C1orf54: variants seen among roughly 807,000 people sequenced by gnomAD.
The protein encoded by C1orf54 is uncharacterized protein C1orf54.
A neutral mutation model predicts 14.7 loss-of-function variants in C1orf54; 12 were observed. The ratio of observed to expected loss-of-function variants is 0.82; its 90% CI spans 0.52 to 1.32. The LOEUF is 1.32. Ranked by LOEUF, C1orf54 falls within the 40% of genes most tolerant of loss-of-function variation. The pLI is 0.00. For synonymous variants in C1orf54, 65 were observed against 56.3 expected, an observed-to-expected ratio of 1.16 and a Z score of -0.70; for missense variants, 163 against 162.2, an observed-to-expected ratio of 1.00 and a Z score of -0.03.
upstream of C1orf54, among the ~76,000 whole-genome samples, chr1:150,269,905 C>T (rs782386146): frequency 2.0e-5 from 3 of 152,066 alleles, no homozygotes; most frequent in Non-Finnish European, 2.9e-5. Flanking sequence ...GATGTGGTGG[C>T]GCACGCCTGT....
upstream of C1orf54, chr1:150,272,557 A>G (rs1652284448): frequency 2.0e-6 from 1 of 500,196 alleles, no homozygotes; most frequent in South Asian, 2.2e-5. Context: ...GAATGGATCT[A>G]ATCTAGGGCA....
upstream of C1orf54, chr1:150,269,177 A>G (rs1368200112): frequency 4.3e-6 from 1 of 230,904 alleles, no homozygotes; most frequent in Non-Finnish European, 9.0e-6. Context: ...GAGCCGGTTA[A>G]TGGGGGTGGG....
chr1:150,279,771 G>A (rs1652952006), intron 5 of C1orf54, 30 bp downstream of exon 5: 1 of 1,548,870 alleles, frequency 6.5e-7, no homozygotes, highest in Non-Finnish European at 8.8e-7. Flanking sequence ...CTTTGGGGGA[G>A]TCTGTGAAAT....
intron 4 of C1orf54, among the ~76,000 whole-genome samples, chr1:150,278,668 TTAATA>T (rs1418637216): frequency 6.6e-6 from 1 of 152,108 alleles, no homozygotes; most frequent in Admixed American, 6.6e-5. Flanking sequence ...AAGAGAAAGT[TTAATA>T]TAATCCATCA....
Position 150,276,590 on chromosome 1 carries a change from C to T in C1orf54, c.258C>T (p.Asp86=). ...TTISLETARA[D]HPKPVTVKPV... ...TTAGTCTTGAAACAGCACGTGCAGA[C>T]CATCCGAAGCCTGTAACTGTGAAAC... Residue 86 remains aspartate, a synonymous_variant, in exon 4 of 6, where the codon GAC becomes GAT. Coordinates refer to ENST00000369099, the MANE Select transcript of C1orf54 (RefSeq NM_024579.4). The T allele has an allele frequency of 6.2e-7, 1 of 1,614,112 alleles. No individual in the cohort carries two copies. The highest frequency in any genetic ancestry group is 8.5e-7 in the Non-Finnish European group (1 of 1,180,026).
In C1orf54 at chr1:150,280,813, CTT is replaced by C. The variant is rs1553853290; in HGVS notation, c.*4-20_*4-19del. ...CGGGTCTCCTGACTCCTTTTATTTT[CTT>C]TCTTTCTCTGCTTTTTTAGGTGGAA... is the stretch of plus-strand genomic sequence containing the variant. On this transcript the variant is annotated intron_variant, in intron 5 of 5. Transcript: ENST00000369099. 3 of 1,547,316 alleles carry C rather than the reference CTT, an allele frequency of 1.9e-6. No homozygotes were observed. Among genetic ancestry groups the C allele is most frequent in the South Asian group, 2.4e-5 (2 of 83,948 alleles).
upstream of C1orf54, chr1:150,268,858 A>G: frequency 6.7e-7 from 1 of 1,503,290 alleles, no homozygotes; most frequent in South Asian, 1.2e-5. Context: ...GGACAGGCAA[A>G]TGGGAGGGGC....
intron 4 of C1orf54, among the ~76,000 whole-genome samples, chr1:150,277,377 C>A (rs1469313325): frequency 1.3e-5 from 2 of 151,704 alleles, no homozygotes; most frequent in African/African-American, 4.8e-5. Flanking sequence ...GTGGTGCGTG[C>A]CTGTAATCCC....
At chr1:150,276,952 T>C (rs1253852319) in intron 4 of C1orf54, among the ~76,000 whole-genome samples, 1 of 152,142 alleles carries the variant, frequency 6.6e-6, no homozygotes, top group Non-Finnish European at 1.5e-5. Context: ...ATTTATAAAA[T>C]TCAAGTTTAC....
chr1:150,269,709 A>C (rs1402257055), upstream of C1orf54: 1 of 152,144 alleles, frequency 6.6e-6, no homozygotes, highest in African/African-American at 2.4e-5. Flanking sequence ...TTTCTGAAAA[A>C]TGAACCTCAG....
At chr1:150,277,791 T>C (rs781851549) in intron 4 of C1orf54, among the ~76,000 whole-genome samples, 107 of 152,234 alleles carry the variant, frequency 7.0e-4, no homozygotes, top group South Asian at 1.0e-3. Context: ...AAAAACACGA[T>C]GAAAAGTGAT....
chr1:150,279,864 G>C, intron 5 of C1orf54, 123 bp downstream of exon 5: 1 of 825,588 alleles, frequency 1.2e-6, no homozygotes, highest in Non-Finnish European at 1.9e-6. Context: ...TCAATTATCA[G>C]CCACTGAAGG....
upstream of C1orf54, among the ~76,000 whole-genome samples, chr1:150,270,373 G>A (rs1652110067): frequency 6.6e-6 from 1 of 152,208 alleles, no homozygotes; most frequent in African/African-American, 2.4e-5. Context: ...TGGTCACAGT[G>A]GCTCATGCCT....
At chr1:150,271,713 T>G (rs1373525222), upstream of C1orf54, among the ~76,000 whole-genome samples, 3 of 152,236 alleles carry the variant, frequency 2.0e-5, no homozygotes, top group East Asian at 5.8e-4. Context: ...ATAAAAACTC[T>G]ACACCTGTAG....
intron 5 of C1orf54, among the ~76,000 whole-genome samples, chr1:150,280,533 G>A (rs781821770): frequency 7.2e-5 from 11 of 152,234 alleles, no homozygotes; most frequent in Non-Finnish European, 1.5e-4. Context: ...AAAGTTCAGA[G>A]GCAGAACGGA....
At chr1:150,268,769 G>C, upstream of C1orf54, 1 of 1,613,778 alleles carries the variant, frequency 6.2e-7, no homozygotes, top group Middle Eastern at 1.6e-4. Context: ...AGGCCGGGCC[G>C]AACGCGACGA....
chr1:150,270,596 T>C (rs1553851082), upstream of C1orf54, among the ~76,000 whole-genome samples: 1 of 151,480 alleles, frequency 6.6e-6, no homozygotes, highest in Non-Finnish European at 1.5e-5. Context: ...TGAGCTGAGA[T>C]CCCACCACTG....
Position 150,279,693 on chromosome 1 carries a change from C to A in C1orf54, c.351C>A (p.Leu117=). 4 of 1,613,242 alleles carry A rather than the reference C, an allele frequency of 2.5e-6. No individual in the cohort carries two copies. The highest frequency in any genetic ancestry group is 2.5e-6 in the Non-Finnish European group (3 of 1,179,658). ...CCAGTTTGCGAAGTCCTATTCCCCT[C>A]CTCCTGTCGTGTGCCTTTGTTCAGG... ...AVSSLRSPIP[L]LLSCAFVQVG... The change falls in exon 5 of 6, where the codon CTC becomes CTA. Residue 117 remains leucine (L), a synonymous_variant. Coordinates refer to ENST00000369099, the MANE Select transcript of C1orf54 (RefSeq NM_024579.4).
At chr1:150,271,926 G>A (rs1652229169), upstream of C1orf54, among the ~76,000 whole-genome samples, 1 of 152,158 alleles carries the variant, frequency 6.6e-6, no homozygotes, top group Non-Finnish European at 1.5e-5. Flanking sequence ...ATCATCTGAG[G>A]TCAGGAGTTC....
Sources: gnomAD v4.1 joint callset for allele counts (sites outside exome capture counted in the v4.1 genomes callset) on GRCh38, gnomAD v4.1.1 for gene constraint, MANE v1.5 for transcripts, NCBI Gene and HGNC (gene_info 2026-07-23, HGNC 2026-07-21) for gene names.